The following PTPRN2 variants were observed in gnomAD, a reference collection of about 807,000 sequenced individuals.
PTPRN2 encodes the protein receptor-type tyrosine-protein phosphatase N2.
Under a neutral mutation model 118.8 loss-of-function variants are expected in PTPRN2, and 74 were observed. The observed-to-expected ratio is 0.62, with a 90% CI of 0.52 to 0.76. PTPRN2 has a LOEUF of 0.76. Ranked by LOEUF, PTPRN2 falls within the 30% of genes least tolerant of loss-of-function variation. PTPRN2 has a pLI of 0.00. For missense variants in PTPRN2, 1,481 were observed against 1,394.4 expected, an observed-to-expected ratio of 1.06 and a Z score of -0.99; for synonymous variants, 641 against 608.0, an observed-to-expected ratio of 1.05 and a Z score of -0.80.
At chr7:158,084,308 T>C (rs1813087288) in intron 10 of PTPRN2, among the ~76,000 whole-genome samples, 1 of 144,208 alleles carries the variant, frequency 6.9e-6, no homozygotes. Flanking sequence ...ACGTCTGCTG[T>C]GCAGGTGGCA....
rs1180970710 is a variant in PTPRN2, at chr7:158,340,986, C to T, written c.164-24054G>A. Among the ~76,000 whole-genome samples, 9 of 75,476 alleles carry T rather than the reference C, an allele frequency of 1.2e-4. 3 individuals carry two copies. The highest frequency in any genetic ancestry group is 4.1e-4 in the Admixed American group (3 of 7,248). The allele number at this position is 75,476 out of a possible 152,430, so 49.5% of individuals were successfully genotyped here. ...CCCGCAGATGTCACTCACACCCACACTCTCACCATAAGAGGTGAAACCTGC... is the reference window on the plus strand; with the variant it reads ...CCCGCAGATGTCACTCACACCCACATTCTCACCATAAGAGGTGAAACCTGC... On this transcript the variant is annotated intron_variant, in intron 2 of 22. Coordinates refer to ENST00000389418, the MANE Select transcript of PTPRN2 (RefSeq NM_002847.5).
chr7:157,790,067 GT>G (rs1474282752), intron 12 of PTPRN2, among the ~76,000 whole-genome samples: 1 of 131,722 alleles, frequency 7.6e-6, no homozygotes, highest in African/African-American at 2.9e-5. Context: ...GTGTGAATGT[GT>G]GGTGTGTGTG....
intron 12 of PTPRN2, among the ~76,000 whole-genome samples, chr7:157,797,215 G>A (rs763996220): frequency 8.5e-5 from 13 of 152,224 alleles, no homozygotes; most frequent in African/African-American, 1.7e-4. Context: ...AACCTCCAAC[G>A]TGAAATGAGA....
At chr7:158,453,799 C>T (rs982754578) in intron 2 of PTPRN2, among the ~76,000 whole-genome samples, 1 of 152,230 alleles carries the variant, frequency 6.6e-6, no homozygotes, top group Non-Finnish European at 1.5e-5. Context: ...TGCAGGGAAC[C>T]GACGGAGACA....
intron 11 of PTPRN2, among the ~76,000 whole-genome samples, chr7:158,069,560 T>C (rs1811051980): frequency 1.4e-5 from 2 of 139,742 alleles, no homozygotes; most frequent in Non-Finnish European, 3.1e-5. Flanking sequence ...CCCCACCTCC[T>C]CCATTCTTAA....
chr7:158,568,160 G>A (rs1827771591), intron 1 of PTPRN2, among the ~76,000 whole-genome samples: 1 of 152,166 alleles, frequency 6.6e-6, no homozygotes, highest in African/African-American at 2.4e-5. Context: ...GGCTGAGGCA[G>A]GAGAATCGCT....
intron 11 of PTPRN2, among the ~76,000 whole-genome samples, chr7:158,070,555 CATG>C (rs1280041094): frequency 1.2e-3 from 75 of 60,532 alleles, no homozygotes; most frequent in African/African-American, 2.8e-3. Flanking sequence ...TGGAGGTGCC[CATG>C]GTGGTGGTGG....
chr7:157,810,648 G>A (rs1001017797), intron 12 of PTPRN2, among the ~76,000 whole-genome samples: 2 of 138,926 alleles, frequency 1.4e-5, no homozygotes, highest in Admixed American at 7.1e-5. Context: ...GGACGGGAAC[G>A]GCGGGACTGC....
chr7:157,800,271 CG>C lies in PTPRN2; in HGVS notation c.1788+98401del, dbSNP rs535393914. 1.6e-4 allele frequency among the ~76,000 whole-genome samples: 25 copies of C among 152,350 alleles called. No individual in the cohort carries two copies. In the East Asian group the frequency reaches 4.6e-3, roughly 28 times the overall value. ...CAGGCTGGGCTTCTTCTCGTCCTAA[CG>C]CTCAGAGGCCTCTGCTTAGCCCCAC... On this transcript the variant is annotated intron_variant, in intron 12 of 22. Transcript: ENST00000389418.
Position 157,784,634 on chromosome 7 carries a change from G to T in PTPRN2, c.1789-101697C>A, listed in dbSNP as rs979679496. Among the ~76,000 whole-genome samples, 9 of 122,148 alleles carry T rather than the reference G, an allele frequency of 7.4e-5. No individual in the cohort carries two copies. The highest frequency in any genetic ancestry group is 1.5e-4 in the Non-Finnish European group (8 of 53,264). 80.1% of individuals were successfully genotyped at this position (122,148 alleles called of 152,430 possible). A position where few individuals can be genotyped will look rare whatever the true frequency, so the allele number is the denominator to read the frequency against. ...GCTGGGCTGATCCCATATGAAACGG[G>T]CAGGGGCTGGGCTGATCCCGTATGA... On this transcript the variant is annotated intron_variant, in intron 12 of 22. Transcript: ENST00000389418. The surrounding 1 kb of genome is among the most constrained non-coding windows in gnomAD (Gnocchi z 4.6).
At chr7:157,911,712 C>T (rs1355687745) in intron 11 of PTPRN2, among the ~76,000 whole-genome samples, 2 of 152,130 alleles carry the variant, frequency 1.3e-5, no homozygotes, top group African/African-American at 2.4e-5. Flanking sequence ...GAGCTCTTCT[C>T]GGTCCTATCA....
At chr7:157,759,038 G>A (rs757307449) in intron 12 of PTPRN2, among the ~76,000 whole-genome samples, 29 of 152,290 alleles carry the variant, frequency 1.9e-4, no homozygotes, top group Non-Finnish European at 3.7e-4. Context: ...TAATTCCGAC[G>A]TTTCAAGAAA....
chr7:157,703,163 C>T (rs557368036), intron 12 of PTPRN2, among the ~76,000 whole-genome samples: 31 of 152,346 alleles, frequency 2.0e-4, no homozygotes, highest in African/African-American at 6.3e-4. Context: ...CCAGGGCCTC[C>T]GTCCTCCTGG....
At chr7:158,245,783 C>T (rs566102727) in intron 3 of PTPRN2, among the ~76,000 whole-genome samples, 1 of 152,278 alleles carries the variant, frequency 6.6e-6, no homozygotes, top group African/African-American at 2.4e-5. Context: ...GCAGCCGGCT[C>T]AGGGCCGGCA....
At chr7:158,251,658 G>T (rs1464054499) in intron 3 of PTPRN2, among the ~76,000 whole-genome samples, 2 of 150,138 alleles carry the variant, frequency 1.3e-5, no homozygotes, top group Non-Finnish European at 3.0e-5. Flanking sequence ...GTGTGCACAG[G>T]TGTGCAATGG....
chr7:158,273,831 C>A (rs1214966162), intron 3 of PTPRN2, among the ~76,000 whole-genome samples: 1 of 119,000 alleles, frequency 8.4e-6, no homozygotes, highest in Non-Finnish European at 1.7e-5. Context: ...ATGGGGGAGC[C>A]GCAGACACAG....
intron 11 of PTPRN2, among the ~76,000 whole-genome samples, chr7:158,004,861 A>G (rs1220343409): frequency 2.0e-5 from 3 of 152,142 alleles, no homozygotes; most frequent in Admixed American, 2.0e-4. Flanking sequence ...TGTTCCTCTC[A>G]TGATAATGGT....
At chr7:158,006,818 T>C (rs1376272063) in intron 11 of PTPRN2, among the ~76,000 whole-genome samples, 1 of 152,182 alleles carries the variant, frequency 6.6e-6, no homozygotes, top group Non-Finnish European at 1.5e-5. Flanking sequence ...TAACGCATCA[T>C]GTCTCAAAGA....
chr7:158,496,390 C>A (rs1468396107), intron 1 of PTPRN2, among the ~76,000 whole-genome samples: 1 of 40,532 alleles, frequency 2.5e-5, no homozygotes, highest in East Asian at 1.2e-3. Context: ...CCCTTCCCTG[C>A]GCCCCCCTTC....
Sources: allele counts gnomAD v4.1 joint callset (sites outside exome capture counted in the v4.1 genomes callset), GRCh38; gene constraint gnomAD v4.1.1; non-coding constraint Gnocchi (gnomAD v3.1); transcripts MANE v1.5; gene names NCBI Gene and HGNC (gene_info 2026-07-23, HGNC 2026-07-21).